The following MAGI2 variants were observed in gnomAD, a reference collection of about 807,000 sequenced individuals.
MAGI2 encodes the protein membrane associated guanylate kinase, WW and PDZ domain containing 2, also known as membrane-associated guanylate kinase, WW and PDZ domain-containing protein 2.
Under a neutral mutation model 133.3 loss-of-function variants are expected in MAGI2, and 35 were observed. The ratio of observed to expected loss-of-function variants is 0.26; its 90% confidence interval spans 0.20 to 0.35. MAGI2 has a LOEUF of 0.35. Among genes scored for constraint, MAGI2 ranks in the 10% least tolerant of loss-of-function variants. MAGI2 has a pLI of 1.00. For missense variants in MAGI2, 1,636 were observed against 1,863.4 expected (o/e 0.88, Z 2.25); for synonymous variants, 729 against 710.6 (o/e 1.03, Z -0.41).
chr7:78,488,929 C>T (rs1432084393), intron 6 of MAGI2, among the ~76,000 whole-genome samples: 2 of 152,002 alleles, frequency 1.3e-5, no homozygotes, highest in South Asian at 4.1e-4. Flanking sequence ...TTTTCTTCAC[C>T]TTTAAGAGCT....
intron 2 of MAGI2, among the ~76,000 whole-genome samples, chr7:78,764,236 C>T (rs1404120775): frequency 2.0e-5 from 3 of 152,008 alleles, no homozygotes; most frequent in Admixed American, 2.0e-4. Flanking sequence ...TTTCAATAAA[C>T]CTCAATTAAA....
chr7:79,136,003 G>GAAAGAAAGAA (rs749343638), intron 1 of MAGI2, among the ~76,000 whole-genome samples: 745 of 40,916 alleles, frequency 0.018, 171 homozygotes, highest in Non-Finnish European at 0.025. Flanking sequence ...AAGAAAGAAA[G>GAAAGAAAGAA]AGAAAGAAAG....
At chr7:78,478,084 C>A (rs1300827073) in intron 6 of MAGI2, among the ~76,000 whole-genome samples, 2 of 151,704 alleles carry the variant, frequency 1.3e-5, no homozygotes, top group Non-Finnish European at 2.9e-5. Flanking sequence ...GCTCCCTATC[C>A]CCCAACAGGC....
intron 1 of MAGI2, among the ~76,000 whole-genome samples, chr7:79,420,505 A>G (rs1473863633): frequency 6.6e-6 from 1 of 151,902 alleles, no homozygotes; most frequent in Non-Finnish European, 1.5e-5. Context: ...AACATTATTC[A>G]TCTCTTCTGT....
chr7:78,194,642 A>G (rs1158185216), intron 12 of MAGI2, among the ~76,000 whole-genome samples: 2 of 152,160 alleles, frequency 1.3e-5, no homozygotes, highest in Non-Finnish European at 2.9e-5. Flanking sequence ...GATTTTCTTC[A>G]GGAGATTAGG....
chr7:78,750,929 T>C (rs1243760252), intron 2 of MAGI2, among the ~76,000 whole-genome samples: 1 of 152,216 alleles, frequency 6.6e-6, no homozygotes, highest in African/African-American at 2.4e-5. Context: ...ACATCTTGTC[T>C]ATATGAATAA....
intron 2 of MAGI2, among the ~76,000 whole-genome samples, chr7:78,963,117 A>T (rs1802996278): frequency 6.8e-6 from 1 of 147,468 alleles, no homozygotes; most frequent in South Asian, 2.1e-4. Flanking sequence ...CACCTACTTT[A>T]AAAAAAACAA....
chr7:79,310,800 T>C lies in MAGI2; in HGVS notation c.301+142220A>G, dbSNP rs75910797. Reference sequence around the variant, plus strand: ...CCTAGTTGAGACCAATCACTTCAACTGACCAGCAGAACCCATTCTCTCATC... The same window carrying C: ...CCTAGTTGAGACCAATCACTTCAACCGACCAGCAGAACCCATTCTCTCATC... On this transcript the variant is annotated intron_variant, in intron 1 of 21. Transcript: ENST00000354212. Among the ~76,000 whole-genome samples the C allele has an allele frequency of 2.0e-3, 310 of 152,280 alleles. 1 individual carries two copies. The highest frequency in any genetic ancestry group is 7.0e-3 in the African/African-American group (292 of 41,560).
chr7:78,169,683 G>A (rs978103430), intron 14 of MAGI2, among the ~76,000 whole-genome samples: 4 of 152,196 alleles, frequency 2.6e-5, no homozygotes, highest in Non-Finnish European at 5.9e-5. Flanking sequence ...GAGGTAGGGT[G>A]AGAAATAGAT....
chr7:79,343,230 C>A (rs1841041751), intron 1 of MAGI2: 1 of 152,074 alleles, frequency 6.6e-6, no homozygotes, highest in African/African-American at 2.4e-5. Context: ...GCAAATGTTT[C>A]CTTGTGTCAC....
intron 2 of MAGI2, among the ~76,000 whole-genome samples, chr7:78,975,897 C>T (rs1218337593): frequency 6.6e-6 from 1 of 151,506 alleles, no homozygotes; most frequent in Non-Finnish European, 1.5e-5. Flanking sequence ...TAACTCTATC[C>T]TCACCTATTT....
intron 1 of MAGI2, among the ~76,000 whole-genome samples, chr7:79,333,017 G>A (rs188558718): frequency 1.3e-5 from 2 of 152,212 alleles, no homozygotes; most frequent in East Asian, 1.9e-4. Flanking sequence ...GAAAAGATAC[G>A]TGATTTGTCA....
intron 12 of MAGI2, among the ~76,000 whole-genome samples, chr7:78,186,539 A>G (rs1827716481): frequency 6.6e-6 from 1 of 152,178 alleles, no homozygotes; most frequent in African/African-American, 2.4e-5. Flanking sequence ...GAAGAAGAAC[A>G]TAATTAAATT....
chr7:78,037,037 T>A (rs2151075741), intron 21 of MAGI2, among the ~76,000 whole-genome samples: 1 of 151,868 alleles, frequency 6.6e-6, no homozygotes, highest in African/African-American at 2.4e-5. Context: ...TAGAGAAGGA[T>A]GAACAGAGAA....
chr7:78,311,632 G>A (rs917840563), intron 9 of MAGI2, among the ~76,000 whole-genome samples: 6 of 152,168 alleles, frequency 3.9e-5, no homozygotes, highest in African/African-American at 9.6e-5. Context: ...ACATGTCAAC[G>A]TGGTCATCTT....
intron 1 of MAGI2, among the ~76,000 whole-genome samples, chr7:79,405,863 T>C (rs1845767470): frequency 6.8e-6 from 1 of 146,814 alleles, no homozygotes; most frequent in South Asian, 2.1e-4. Flanking sequence ...AAGAGACACA[T>C]CATATTCCCC....
At chr7:79,376,114 T>C (rs1585754711) in intron 1 of MAGI2, among the ~76,000 whole-genome samples, 1 of 151,966 alleles carries the variant, frequency 6.6e-6, no homozygotes, top group East Asian at 1.9e-4. Flanking sequence ...ATTAATCTTA[T>C]TGTATATGTT....
intron 1 of MAGI2, among the ~76,000 whole-genome samples, chr7:79,426,953 A>G (rs1847413679): frequency 6.6e-6 from 1 of 152,130 alleles, no homozygotes. Flanking sequence ...TTTAGTCCTA[A>G]AAAAGGAAAA....
At chr7:78,853,917 A>T (rs1036628090) in intron 2 of MAGI2, among the ~76,000 whole-genome samples, 3 of 151,728 alleles carry the variant, frequency 2.0e-5, no homozygotes, top group South Asian at 4.2e-4. Flanking sequence ...AAGTGTCCTG[A>T]TAAGGGGACA....
Sources: allele counts gnomAD v4.1 joint callset (sites outside exome capture counted in the v4.1 genomes callset), GRCh38; gene constraint gnomAD v4.1.1; transcripts MANE v1.5; gene names NCBI Gene and HGNC (gene_info 2026-07-23, HGNC 2026-07-21).